The following RBMS3 variants were observed in gnomAD, a reference collection of about 807,000 sequenced individuals.
RBMS3 encodes RNA-binding motif, single-stranded-interacting protein 3.
RBMS3 carries 27 observed loss-of-function variants against 66.8 expected under a neutral mutation model. The ratio of observed to expected loss-of-function variants is 0.40; its 90% CI spans 0.30 to 0.56. The LOEUF (loss-of-function observed/expected upper bound fraction) is 0.56. Ranked by LOEUF, RBMS3 falls within the 20% of genes least tolerant of loss-of-function variation. The pLI, the probability that RBMS3 is intolerant of heterozygous loss-of-function variation, is 0.40. For synonymous variants in RBMS3, 188 were observed against 183.0 expected (o/e 1.03, Z -0.22); for missense variants, 513 against 549.5 (o/e 0.93, Z 0.66).
chr3:29,619,320 C>G (rs1576372510), intron 4 of RBMS3, among the ~76,000 whole-genome samples: 2 of 145,834 alleles, frequency 1.4e-5, no homozygotes, highest in Admixed American at 1.4e-4. Flanking sequence ...AAAAAAAGAA[C>G]AAAAATGCAA....
At chr3:29,483,101 C>A (rs1009537371) in intron 2 of RBMS3, among the ~76,000 whole-genome samples, 5 of 151,068 alleles carry the variant, frequency 3.3e-5, no homozygotes, top group African/African-American at 1.2e-4. Flanking sequence ...TAGTCGAGAT[C>A]GAGACCATCC....
At chr3:29,287,758 A>G (rs2032482232) in intron 1 of RBMS3, among the ~76,000 whole-genome samples, 1 of 152,050 alleles carries the variant, frequency 6.6e-6, no homozygotes, top group African/African-American at 2.4e-5. Flanking sequence ...AATCATACTA[A>G]TCATCACTAC....
intron 1 of RBMS3, among the ~76,000 whole-genome samples, chr3:29,422,652 G>T (rs889530571): frequency 3.9e-5 from 6 of 152,100 alleles, no homozygotes; most frequent in African/African-American, 1.4e-4. Context: ...ATTTTATCAT[G>T]AGGTATTTTT....
intron 2 of RBMS3, among the ~76,000 whole-genome samples, chr3:29,471,796 C>T (rs2042738505): frequency 7.1e-6 from 1 of 141,022 alleles, no homozygotes; most frequent in African/African-American, 2.7e-5. Context: ...ACAATAAAAT[C>T]CAATATGTTA....
Position 29,482,697 on chromosome 3 carries a change from C to CTT in RBMS3, c.249-5742_249-5741dup, listed in dbSNP as rs1216159878. On this transcript the variant is annotated intron_variant, in intron 2 of 14. Coordinates refer to ENST00000383767, the MANE Select transcript of RBMS3 (RefSeq NM_001003793.3). ...ACACAGTCTACCATTTTCTTTCTTT[C>CTT]TTTCTTTTTTTTTTTTTTTTTTTTT... 4.2e-4 allele frequency among the ~76,000 whole-genome samples: 39 copies of CTT among 92,924 alleles called. 1 individual carries two copies. Among genetic ancestry groups the CTT allele is most frequent in the Middle Eastern group, 5.6e-3 (1 of 178 alleles). 61.0% of individuals were successfully genotyped at this position (92,924 alleles called of 152,430 possible).
intron 4 of RBMS3, among the ~76,000 whole-genome samples, chr3:29,624,275 G>T (rs1422607510): frequency 6.6e-6 from 1 of 152,126 alleles, no homozygotes; most frequent in African/African-American, 2.4e-5. Context: ...AATTCCCTTG[G>T]CTAGTAATAT....
intron 1 of RBMS3, among the ~76,000 whole-genome samples, chr3:29,304,896 G>C (rs1303636300): frequency 6.6e-6 from 1 of 151,762 alleles, no homozygotes; most frequent in African/African-American, 2.4e-5. Flanking sequence ...TCACCAACTT[G>C]ACTGTGTGTT....
intron 1 of RBMS3, among the ~76,000 whole-genome samples, chr3:29,405,735 A>C (rs548386998): frequency 6.6e-6 from 1 of 152,294 alleles, no homozygotes; most frequent in South Asian, 2.1e-4. Flanking sequence ...GGGAAAATTC[A>C]GCCATTTTAT....
intron 1 of RBMS3, among the ~76,000 whole-genome samples, chr3:29,407,098 G>A (rs766734951): frequency 6.6e-6 from 1 of 152,182 alleles, no homozygotes; most frequent in Non-Finnish European, 1.5e-5. Context: ...TAGAATCAAT[G>A]TACATTCCAA....
intron 4 of RBMS3, among the ~76,000 whole-genome samples, chr3:29,659,365 C>T (rs1458146917): frequency 6.6e-6 from 1 of 152,056 alleles, no homozygotes; most frequent in Non-Finnish European, 1.5e-5. Context: ...AAACTCCATA[C>T]CCATTGAACA....
intron 6 of RBMS3, among the ~76,000 whole-genome samples, chr3:29,804,454 A>T (rs1467985646): frequency 6.6e-6 from 1 of 152,110 alleles, no homozygotes; most frequent in African/African-American, 2.4e-5. Flanking sequence ...TGAGCTTGGC[A>T]AATGGCAAAA....
chr3:29,869,007 G>A, intron 7 of RBMS3, 43 bp downstream of exon 7: 1 of 1,495,070 alleles, frequency 6.7e-7, no homozygotes, highest in Non-Finnish European at 9.0e-7. Context: ...TTTGGCAGTA[G>A]ATATCCCTCA....
intron 7 of RBMS3, among the ~76,000 whole-genome samples, chr3:29,874,449 C>A (rs2059563566): frequency 6.6e-6 from 1 of 152,128 alleles, no homozygotes. Flanking sequence ...TACCACAGTG[C>A]TTGGCAATTC....
At chr3:29,847,668 T>G (rs549771171) in intron 6 of RBMS3, among the ~76,000 whole-genome samples, 1 of 152,194 alleles carries the variant, frequency 6.6e-6, no homozygotes, top group African/African-American at 2.4e-5. Flanking sequence ...TATTTTTTAT[T>G]TTTTTGAGAC....
At chr3:29,673,108 C>A (rs576190817) in intron 4 of RBMS3, among the ~76,000 whole-genome samples, 6 of 152,312 alleles carry the variant, frequency 3.9e-5, no homozygotes, top group Admixed American at 1.3e-4. Context: ...CAATACCGCA[C>A]AACTCCATGG....
At chr3:29,863,564 C>T (rs539436809) in intron 6 of RBMS3, among the ~76,000 whole-genome samples, 6 of 152,106 alleles carry the variant, frequency 3.9e-5, no homozygotes, top group African/African-American at 1.4e-4. Context: ...TATTCATAGC[C>T]TAACTGCTTA....
chr3:29,766,934 A>AAT (rs1456669198), intron 6 of RBMS3: 1 of 152,000 alleles, frequency 6.6e-6, no homozygotes, highest in East Asian at 1.9e-4. Context: ...GGGAAAAGAA[A>AAT]ATACAGCATT....
intron 1 of RBMS3, among the ~76,000 whole-genome samples, chr3:29,295,742 A>G (rs1243359108): frequency 6.6e-6 from 1 of 151,716 alleles, no homozygotes; most frequent in African/African-American, 2.4e-5. Context: ...ACCACGTTTT[A>G]TGCAAGTGTT....
intron 1 of RBMS3, among the ~76,000 whole-genome samples, chr3:29,315,043 A>G (rs1575526785): frequency 6.6e-6 from 1 of 151,814 alleles, no homozygotes; most frequent in Non-Finnish European, 1.5e-5. Flanking sequence ...GAGCATGGCA[A>G]TCTCTGGTTT....
Sources: gnomAD v4.1 joint callset for allele counts (sites outside exome capture counted in the v4.1 genomes callset) on GRCh38, gnomAD v4.1.1 for gene constraint, MANE v1.5 for transcripts, NCBI Gene and HGNC (gene_info 2026-07-23, HGNC 2026-07-21) for gene names.